CDH13: variants seen among roughly 807,000 people sequenced by gnomAD.
The protein encoded by CDH13 is cadherin 13.
Under a neutral mutation model 63.8 loss-of-function variants are expected in CDH13, and 24 were observed. The observed-to-expected ratio is 0.38, with a 90% CI of 0.27 to 0.53. CDH13 has a LOEUF of 0.53. Among genes scored for constraint, CDH13 ranks in the 20% least tolerant of loss-of-function variants. The probability of loss-of-function intolerance (pLI) is 0.85; values close to 1 mark genes in which losing one functional copy is unlikely to be tolerated. For synonymous variants in CDH13, 503 were observed against 355.3 expected (o/e 1.42, Z -4.67); for missense variants, 1,049 against 903.1 (o/e 1.16, Z -2.07).
intron 7 of CDH13, among the ~76,000 whole-genome samples, chr16:83,527,055 C>T (rs985668880): frequency 2.0e-5 from 3 of 152,098 alleles, no homozygotes; most frequent in Admixed American, 2.0e-4. Context: ...CACTTGAACC[C>T]ATGAGGCGGA....
At chr16:83,077,956 T>C (rs999319195) in intron 3 of CDH13, among the ~76,000 whole-genome samples, 93 of 152,270 alleles carry the variant, frequency 6.1e-4, no homozygotes, top group African/African-American at 2.0e-3. Flanking sequence ...ACTACCCATA[T>C]GTATGCTTAT....
rs142379726 is a variant in CDH13, at chr16:83,002,942, T to C, written c.158-29068T>C. On this transcript the variant is annotated intron_variant, in intron 2 of 13. Coordinates refer to ENST00000567109, the MANE Select transcript of CDH13 (RefSeq NM_001257.5). ...ACTTAACACTTATCTATTGAGCATGTACCAAATATATTGTTTTACGACATT... is the reference window on the plus strand; with the variant it reads ...ACTTAACACTTATCTATTGAGCATGCACCAAATATATTGTTTTACGACATT... 7.8e-3 allele frequency among the ~76,000 whole-genome samples: 1,183 copies of C among 152,330 alleles called. 8 individuals carry two copies. The highest frequency in any genetic ancestry group is 0.012 in the Non-Finnish European group (838 of 68,026).
At chr16:82,731,105 C>G (rs777008955) in intron 1 of CDH13, among the ~76,000 whole-genome samples, 4 of 152,112 alleles carry the variant, frequency 2.6e-5, no homozygotes, top group African/African-American at 7.2e-5. Context: ...CTGGCCATGC[C>G]GGGAGTATTT....
chr16:83,470,051 A>G (rs1349039226), intron 6 of CDH13, among the ~76,000 whole-genome samples: 1 of 152,204 alleles, frequency 6.6e-6, no homozygotes, highest in African/African-American at 2.4e-5. Flanking sequence ...TTACAGTACA[A>G]GATATCCTGC....
At chr16:83,354,360 A>C (rs1597816261) in intron 6 of CDH13, among the ~76,000 whole-genome samples, 1 of 152,210 alleles carries the variant, frequency 6.6e-6, no homozygotes, top group Non-Finnish European at 1.5e-5. Flanking sequence ...TCAATTCTTC[A>C]TAACCATTTC....
intron 1 of CDH13, among the ~76,000 whole-genome samples, chr16:82,687,673 T>G (rs1915217403): frequency 6.6e-6 from 1 of 151,420 alleles, no homozygotes. Flanking sequence ...CCATGACATG[T>G]GGGGATTATT....
intron 6 of CDH13, among the ~76,000 whole-genome samples, chr16:83,368,421 C>G (rs775490375): frequency 2.0e-5 from 3 of 152,212 alleles, no homozygotes; most frequent in African/African-American, 4.8e-5. Flanking sequence ...GCATTTTCCC[C>G]TCTTCAACTG....
rs745770668 is a variant in CDH13 at position 83,486,622 on chromosome 16, C to T, written c.927C>T (p.Val309=). 3.7e-6 allele frequency: 6 copies of T among 1,613,922 alleles called. No homozygotes were observed. The highest frequency in any genetic ancestry group is 5.1e-6 in the Non-Finnish European group (6 of 1,179,824). ...TCGATCCTGAGAAAGGAGACATTGT[C>T]ACTGTTGTGTCACCTGCGCTGCTGG... ...FYIDPEKGDI[V]TVVSPALLDR... Residue 309 remains valine, a synonymous_variant, in exon 7 of 14, where the codon GTC becomes GTT. Transcript: ENST00000567109.
At chr16:82,971,352 C>T (rs536797273) in intron 2 of CDH13, among the ~76,000 whole-genome samples, 25 of 152,278 alleles carry the variant, frequency 1.6e-4, no homozygotes, top group Non-Finnish European at 3.5e-4. Flanking sequence ...GTAGTGCTCC[C>T]ATCACCTTCC....
At chr16:83,072,317 A>G (rs886887068) in intron 3 of CDH13, among the ~76,000 whole-genome samples, 16 of 152,334 alleles carry the variant, frequency 1.1e-4, no homozygotes, top group Non-Finnish European at 2.1e-4. Context: ...TAATCTGTTG[A>G]CAATGGTTAG....
rs187010645 is a variant in CDH13 at position 83,025,835 on chromosome 16, G to A, written c.158-6175G>A. Reference sequence around the variant, plus strand: ...GGCACCTTGACAAAGAGTTTATAATGTAAGGTCCTGGTTCCTGGCTCTGTC... The same window carrying A: ...GGCACCTTGACAAAGAGTTTATAATATAAGGTCCTGGTTCCTGGCTCTGTC... On this transcript the variant is annotated intron_variant, in intron 2 of 13. Transcript: ENST00000567109. 1.9e-3 allele frequency among the ~76,000 whole-genome samples: 291 copies of A among 152,316 alleles called. 1 individual carries two copies. The highest frequency in any genetic ancestry group is 0.017 in the Middle Eastern group (5 of 294).
intron 1 of CDH13, among the ~76,000 whole-genome samples, chr16:82,715,783 C>G (rs2032325656): frequency 1.3e-5 from 2 of 152,298 alleles, no homozygotes; most frequent in East Asian, 1.9e-4. Flanking sequence ...GGGGTTTTTT[C>G]TTTGCAAAAT....
intron 10 of CDH13, among the ~76,000 whole-genome samples, chr16:83,746,035 G>A (rs980313961): frequency 2.6e-5 from 4 of 152,192 alleles, no homozygotes; most frequent in Non-Finnish European, 4.4e-5. Flanking sequence ...TTGCGTAGCT[G>A]TTGGTTTGTG....
chr16:83,759,810 C>T (rs1281047254), intron 11 of CDH13, among the ~76,000 whole-genome samples: 2 of 151,980 alleles, frequency 1.3e-5, no homozygotes, highest in East Asian at 3.9e-4. Flanking sequence ...CACCTGTGGT[C>T]CCAGCTACAC....
chr16:83,125,333 A>T lies in CDH13; in HGVS notation c.367-52A>T, dbSNP rs1403447979. 3.1e-6 allele frequency: 3 copies of T among 973,774 alleles called. No homozygotes were observed. In the African/African-American group the frequency reaches 4.8e-5, roughly 16 times the overall value. The allele number at this position is 973,774 out of a possible 1,614,324, so 60.3% of individuals were successfully genotyped here. On this transcript the variant is annotated intron_variant, in intron 3 of 13. Transcript: ENST00000567109. ...AGGAACTCTATCTCGGAGCAGACTGATACATCATTTCAATGGGAGATTTTA... is the reference window on the plus strand; with the variant it reads ...AGGAACTCTATCTCGGAGCAGACTGTTACATCATTTCAATGGGAGATTTTA...
intron 2 of CDH13, among the ~76,000 whole-genome samples, chr16:82,931,751 A>G (rs545668278): frequency 2.0e-5 from 3 of 152,324 alleles, no homozygotes; most frequent in African/African-American, 7.2e-5. Context: ...GGAACCCCTT[A>G]TAGAAACATC....
chr16:82,630,821 T>C (rs77377788), intron 1 of CDH13, among the ~76,000 whole-genome samples: 1,738 of 152,338 alleles, frequency 0.011, 31 homozygotes, highest in African/African-American at 0.04. Context: ...GCCAACAGTG[T>C]TTCTGTGTGC....
chr16:83,536,612 C>T (rs1443842219), intron 7 of CDH13, among the ~76,000 whole-genome samples: 2 of 151,886 alleles, frequency 1.3e-5, no homozygotes, highest in Non-Finnish European at 2.9e-5. Context: ...AATGGGAAAT[C>T]CTTAAAGTAT....
chr16:82,782,022 G>A lies in CDH13; in HGVS notation c.46-76340G>A, dbSNP rs2035777744. Among the ~76,000 whole-genome samples, 4 of 152,330 alleles carry A rather than the reference G, an allele frequency of 2.6e-5. No individual in the cohort carries two copies. In the South Asian group the frequency reaches 8.3e-4, roughly 32 times the overall value. On this transcript the variant is annotated intron_variant, in intron 1 of 13. Coordinates refer to ENST00000567109, the MANE Select transcript of CDH13 (RefSeq NM_001257.5). Reference sequence around the variant, plus strand: ...TAAAAGAGGAAGTAACCAGCCAGGGGTGAGGAACACAACAGCAGGAAATTA... The same window carrying A: ...TAAAAGAGGAAGTAACCAGCCAGGGATGAGGAACACAACAGCAGGAAATTA...
Sources: allele counts gnomAD v4.1 joint callset (sites outside exome capture counted in the v4.1 genomes callset), GRCh38; gene constraint gnomAD v4.1.1; transcripts MANE v1.5; gene names NCBI Gene and HGNC (gene_info 2026-07-23, HGNC 2026-07-21).